The following HS6ST3 variants were observed in gnomAD, a reference collection of about 807,000 sequenced individuals.
HS6ST3 encodes the protein heparan sulfate 6-O-sulfotransferase 3, also known as heparan-sulfate 6-O-sulfotransferase 3.
A neutral mutation model predicts 36.7 loss-of-function variants in HS6ST3; 12 were observed. That is an observed-to-expected ratio of 0.33 (90% CI 0.21 to 0.53). HS6ST3 has a LOEUF of 0.53. Ranked by LOEUF, HS6ST3 falls within the 20% of genes least tolerant of loss-of-function variation. The pLI is 0.95. For synonymous variants in HS6ST3, 240 were observed against 257.5 expected, an observed-to-expected ratio of 0.93 and a Z score of 0.65; for missense variants, 584 against 640.9, an observed-to-expected ratio of 0.91 and a Z score of 0.96.
chr13:96,492,478 T>A (rs1457708004), intron 1 of HS6ST3, among the ~76,000 whole-genome samples: 2 of 152,234 alleles, frequency 1.3e-5, no homozygotes, highest in African/African-American at 4.8e-5. Flanking sequence ...ATCTTTCAAG[T>A]CCCCCTTAGT....
chr13:96,307,848 G>A (rs949371163), intron 1 of HS6ST3, among the ~76,000 whole-genome samples: 18 of 151,992 alleles, frequency 1.2e-4, no homozygotes, highest in Admixed American at 4.6e-4. Context: ...AGCTTGATTT[G>A]ATTAATTATG....
intron 1 of HS6ST3, among the ~76,000 whole-genome samples, chr13:96,628,430 C>A (rs1237803745): frequency 6.6e-6 from 1 of 151,746 alleles, no homozygotes; most frequent in African/African-American, 2.4e-5. Context: ...CTCTTCTGGA[C>A]AATTTTTATA....
At chr13:96,609,070 T>C (rs1180603212) in intron 1 of HS6ST3, among the ~76,000 whole-genome samples, 1 of 151,900 alleles carries the variant, frequency 6.6e-6, no homozygotes, top group Non-Finnish European at 1.5e-5. Flanking sequence ...CCCGGGTTCA[T>C]GCCATTCTCC....
chr13:96,265,123 G>T (rs1330052424), intron 1 of HS6ST3, among the ~76,000 whole-genome samples: 1 of 152,072 alleles, frequency 6.6e-6, no homozygotes, highest in Non-Finnish European at 1.5e-5. Context: ...CTCTTTCTTG[G>T]AAATTTTGAA....
intron 1 of HS6ST3, among the ~76,000 whole-genome samples, chr13:96,294,742 C>A (rs1448696701): frequency 6.6e-6 from 1 of 151,886 alleles, no homozygotes; most frequent in African/African-American, 2.4e-5. Flanking sequence ...TATCTTTGAC[C>A]ATTTGTAGGG....
Position 96,739,226 on chromosome 13 carries a change from T to TGTGTGA in HS6ST3, c.708-93259_708-93258insAGTGTG, listed in dbSNP as rs1164989643. Reference sequence around the variant, plus strand: ...TTCTCTATCGACATTTGCTTGTGTGTGTGTGTGTGTGTGTGTGTGTGTGTG... The same window carrying TGTGTGA: ...TTCTCTATCGACATTTGCTTGTGTGTGTGTGAGTGTGTGTGTGTGTGTGTGTGTGTG... On this transcript the variant is annotated intron_variant, in intron 1 of 1. Coordinates refer to ENST00000376705, the MANE Select transcript of HS6ST3 (RefSeq NM_153456.4). Among the ~76,000 whole-genome samples, 495 of 74,994 alleles carry TGTGTGA rather than the reference T, an allele frequency of 6.6e-3. 5 individuals carry two copies. Among genetic ancestry groups the TGTGTGA allele is most frequent in the East Asian group, 0.037 (41 of 1,112 alleles). 49.2% of individuals were successfully genotyped at this position (74,994 alleles called of 152,430 possible). A position where few individuals can be genotyped will look rare whatever the true frequency, so the allele number is the denominator to read the frequency against.
At chr13:96,452,151 A>T (rs1387711415) in intron 1 of HS6ST3, among the ~76,000 whole-genome samples, 2 of 152,204 alleles carry the variant, frequency 1.3e-5, no homozygotes, top group Non-Finnish European at 2.9e-5. Flanking sequence ...GTATTTGTGT[A>T]ATGCAGAATT....
chr13:96,823,698 C>T (rs1013181285), intron 1 of HS6ST3, among the ~76,000 whole-genome samples: 3 of 152,082 alleles, frequency 2.0e-5, no homozygotes, highest in African/African-American at 7.2e-5. Context: ...CGGCTCACTG[C>T]AACCTCCGCC....
At chr13:96,147,620 T>C (rs1470158576) in intron 1 of HS6ST3, among the ~76,000 whole-genome samples, 6 of 152,172 alleles carry the variant, frequency 3.9e-5, no homozygotes, top group African/African-American at 9.7e-5. Context: ...ATTGGGTGAA[T>C]TGGCATGTCT....
intron 1 of HS6ST3, among the ~76,000 whole-genome samples, chr13:96,559,262 G>GC (rs150262458): frequency 1.5e-3 from 226 of 151,408 alleles, no homozygotes; most frequent in East Asian, 2.5e-3. Flanking sequence ...GACTATAGAC[G>GC]CCCCCCCCAC....
chr13:96,767,880 T>C (rs1017842351), intron 1 of HS6ST3, among the ~76,000 whole-genome samples: 4 of 152,172 alleles, frequency 2.6e-5, no homozygotes, highest in Non-Finnish European at 5.9e-5. Context: ...CTCTGTCAAA[T>C]AGATCCTCCT....
chr13:96,305,170 T>A (rs1375506244), intron 1 of HS6ST3, among the ~76,000 whole-genome samples: 1 of 151,978 alleles, frequency 6.6e-6, no homozygotes, highest in Non-Finnish European at 1.5e-5. Flanking sequence ...GCCTAATGGA[T>A]TTTTTTTGGA....
intron 1 of HS6ST3, among the ~76,000 whole-genome samples, chr13:96,223,556 A>G (rs1018882857): frequency 1.3e-5 from 2 of 152,112 alleles, no homozygotes; most frequent in African/African-American, 2.4e-5. Context: ...TAGCATTGAC[A>G]TTCACGGATG....
At chr13:96,417,657 T>G (rs79593071) in intron 1 of HS6ST3, among the ~76,000 whole-genome samples, 1 of 147,018 alleles carries the variant, frequency 6.8e-6, no homozygotes, top group East Asian at 2.1e-4. Flanking sequence ...TACATGTATA[T>G]ATGTAAATAA....
chr13:96,144,307 C>G (rs1358358703), intron 1 of HS6ST3, among the ~76,000 whole-genome samples: 1 of 152,070 alleles, frequency 6.6e-6, no homozygotes, highest in South Asian at 2.1e-4. Flanking sequence ...ACTAAGTATA[C>G]TGTAAAAAAT....
chr13:96,810,368 G>A (rs534423343), intron 1 of HS6ST3, among the ~76,000 whole-genome samples: 1 of 152,228 alleles, frequency 6.6e-6, no homozygotes, highest in Admixed American at 6.5e-5. Flanking sequence ...CCCCCAACCA[G>A]GCACATTGGA....
At chr13:96,416,537 T>G (rs2139465288) in intron 1 of HS6ST3, among the ~76,000 whole-genome samples, 1 of 152,314 alleles carries the variant, frequency 6.6e-6, no homozygotes, top group East Asian at 1.9e-4. Context: ...ACATTTTTGT[T>G]TGCTGGTTGT....
chr13:96,309,120 G>C (rs1330214450), intron 1 of HS6ST3, among the ~76,000 whole-genome samples: 1 of 152,044 alleles, frequency 6.6e-6, no homozygotes, highest in Non-Finnish European at 1.5e-5. Flanking sequence ...TTCTAATATT[G>C]TTATAGGTTG....
intron 1 of HS6ST3, among the ~76,000 whole-genome samples, chr13:96,286,941 A>C (rs567696199): frequency 1.3e-5 from 2 of 151,906 alleles, no homozygotes; most frequent in South Asian, 4.2e-4. Flanking sequence ...CATGCGTGTG[A>C]GTGTGTGTGC....
Sources: allele counts gnomAD v4.1 joint callset (sites outside exome capture counted in the v4.1 genomes callset), GRCh38; gene constraint gnomAD v4.1.1; transcripts MANE v1.5; gene names NCBI Gene and HGNC (gene_info 2026-07-23, HGNC 2026-07-21).